Variants in IMPG2 observed in about 807,000 individuals in gnomAD.
The protein encoded by IMPG2 is interphotoreceptor matrix proteoglycan 2.
Under a neutral mutation model 129.2 loss-of-function variants are expected in IMPG2, and 91 were observed. The observed-to-expected ratio is 0.70, with a 90% CI of 0.59 to 0.84. IMPG2 has a LOEUF of 0.84. Among genes scored for constraint, IMPG2 ranks in the 40% least tolerant of loss-of-function variants. The pLI is 0.00. For synonymous variants in IMPG2, 510 were observed against 517.7 expected, an observed-to-expected ratio of 0.99 and a Z score of 0.20; for missense variants, 1,430 against 1,461.7, an observed-to-expected ratio of 0.98 and a Z score of 0.35.
chr3:101,229,327 C>G lies in IMPG2; in HGVS notation c.3633+53G>C, dbSNP rs983347074. 2.9e-6 allele frequency: 4 copies of G among 1,373,240 alleles called. No individual in the cohort carries two copies. The African/African-American group carries it at 5.8e-5, about 20-fold the overall frequency. 85.1% of individuals were successfully genotyped at this position (1,373,240 alleles called of 1,614,324 possible). A position where few individuals can be genotyped will look rare whatever the true frequency, so the allele number is the denominator to read the frequency against. The stretch of plus-strand genomic sequence containing the variant: ...CCCCACCCACCACCCCCTGCTCCCC[C>G]ACACACACACCAGCAGTAGCTGCGA... On this transcript the variant is annotated intron_variant, in intron 17 of 18. Transcript: ENST00000193391.
chr3:101,258,135 A>G (rs1706632061), intron 9 of IMPG2, among the ~76,000 whole-genome samples: 1 of 152,040 alleles, frequency 6.6e-6, no homozygotes, highest in Non-Finnish European at 1.5e-5. Flanking sequence ...TTTTCCCCCT[A>G]ATTTTTAAAA....
intron 3 of IMPG2, among the ~76,000 whole-genome samples, chr3:101,302,230 C>T (rs1409270551): frequency 1.3e-5 from 2 of 152,156 alleles, no homozygotes; most frequent in Non-Finnish European, 2.9e-5. Flanking sequence ...TATAAATTTA[C>T]TAAAAGTTCC....
At chr3:101,248,207 A>G (rs975204604) in intron 11 of IMPG2, among the ~76,000 whole-genome samples, 1 of 152,158 alleles carries the variant, frequency 6.6e-6, no homozygotes, top group Non-Finnish European at 1.5e-5. Flanking sequence ...AGGGGATTGA[A>G]TCATGGGGGC....
At chr3:101,245,732 C>T (rs1399807729) in intron 12 of IMPG2, 70 bp downstream of exon 12, 1 of 1,396,936 alleles carries the variant, frequency 7.2e-7, no homozygotes, top group Non-Finnish European at 1.0e-6. Flanking sequence ...TAGCCATAGT[C>T]TCTTCCTCTC....
At chr3:101,281,181 T>C (rs1188392690) in intron 4 of IMPG2, among the ~76,000 whole-genome samples, 1 of 152,168 alleles carries the variant, frequency 6.6e-6, no homozygotes, top group Non-Finnish European at 1.5e-5. Flanking sequence ...TTGCACTCGT[T>C]ATTGGGGATG....
At chr3:101,270,712 A>G (rs1002638033) in intron 7 of IMPG2, among the ~76,000 whole-genome samples, 1 of 152,068 alleles carries the variant, frequency 6.6e-6, no homozygotes, top group African/African-American at 2.4e-5. Flanking sequence ...AGGCAGGAGA[A>G]TGGCGTGAAC....
rs1244456234 is a variant in IMPG2, at chr3:101,320,326, A to G, written c.47T>C (p.Ile16Thr). 1 of 1,607,816 alleles carries G rather than the reference A, an allele frequency of 6.2e-7. No individual in the cohort carries two copies. Reference protein sequence around the residue: ...LFGKISLGILIFVLIEGDFPS... With the variant: ...LFGKISLGILTFVLIEGDFPS... ...AAAGTCTCCTTCTATCAGGACAAAT[A>G]TCAAAATACCCAGAGAAATCTTCCC... The change falls in exon 1 of 19, where the codon ATA (isoleucine) becomes ACA (threonine). Residue 16 changes from isoleucine (I) to threonine (T), a missense_variant. Transcript: ENST00000193391.
At chr3:101,233,446 G>C (rs113633629) in intron 14 of IMPG2, among the ~76,000 whole-genome samples, 2,837 of 152,252 alleles carry the variant, frequency 0.019, 84 homozygotes, top group African/African-American at 0.065. Flanking sequence ...TGAATGGGGA[G>C]AGAGAGCTCA....
At chr3:101,256,802 A>C (rs1706615749) in intron 10 of IMPG2, among the ~76,000 whole-genome samples, 1 of 152,124 alleles carries the variant, frequency 6.6e-6, no homozygotes, top group Non-Finnish European at 1.5e-5. Flanking sequence ...GTTACCGATG[A>C]GTAAAGAAAT....
At chr3:101,266,863 C>T (rs191021648) in intron 9 of IMPG2, among the ~76,000 whole-genome samples, 45 of 152,286 alleles carry the variant, frequency 3.0e-4, no homozygotes, top group Non-Finnish European at 5.0e-4. Context: ...GTTAAGCTGG[C>T]CACTTCCCCC....
At chr3:101,269,744 C>T (rs1171198746) in intron 7 of IMPG2, among the ~76,000 whole-genome samples, 171 bp from the exon 8 acceptor site, 1 of 151,928 alleles carries the variant, frequency 6.6e-6, no homozygotes, top group East Asian at 1.9e-4. Context: ...TTTACCTAAA[C>T]ACTGCCACAT....
At chr3:101,235,118 C>T (rs969194761) in intron 14 of IMPG2, among the ~76,000 whole-genome samples, 9 of 152,258 alleles carry the variant, frequency 5.9e-5, no homozygotes, top group African/African-American at 1.7e-4. Context: ...TATATTGAAC[C>T]ACCAGAAAGC....
chr3:101,256,744 A>G (rs1047298530), intron 10 of IMPG2, among the ~76,000 whole-genome samples: 12 of 152,246 alleles, frequency 7.9e-5, no homozygotes, highest in South Asian at 2.1e-4. Context: ...TACTTCTCCC[A>G]TGCTGTCACT....
intron 6 of IMPG2, 130 bp from the exon 7 acceptor site, chr3:101,273,872 T>C (rs1213467672): frequency 2.1e-6 from 2 of 946,660 alleles, no homozygotes; most frequent in African/African-American, 1.6e-5. Flanking sequence ...TATTTCGTAT[T>C]TGACTTTGGA....
Position 101,232,868 on chromosome 3 carries a change from G to A in IMPG2, c.3146C>T (p.Pro1049Leu), listed in dbSNP as rs757438950. The change falls in exon 15 of 19, where the codon CCC becomes CTC. Residue 1049 changes from proline (P) to leucine (L), a missense_variant. Physicochemically the swap from Pro to Leu is moderately conservative, Grantham distance 98. Coordinates refer to ENST00000193391, the MANE Select transcript of IMPG2 (RefSeq NM_016247.4). ...CTGTAGGTCACAGAGACTCTGACAGGGCCGTTCTTCCACACTCAGGTATCC... is the reference window on the plus strand; with the variant it reads ...CTGTAGGTCACAGAGACTCTGACAGAGCCGTTCTTCCACACTCAGGTATCC... The part of the protein sequence containing the change: ...FPGYLSVEER[P>L]CQSLCDLQPD... 1 of 1,613,540 alleles carries A rather than the reference G, an allele frequency of 6.2e-7. No homozygotes were observed. Among genetic ancestry groups the A allele is most frequent in the African/African-American group, 1.3e-5 (1 of 74,832 alleles).
At chr3:101,274,548 T>C (rs1294261591) in intron 6 of IMPG2, among the ~76,000 whole-genome samples, 2 of 152,212 alleles carry the variant, frequency 1.3e-5, no homozygotes, top group East Asian at 3.8e-4. Context: ...TAAAACTACC[T>C]TGGGCTTCAT....
intron 10 of IMPG2, among the ~76,000 whole-genome samples, chr3:101,256,650 T>C (rs923895169): frequency 7.9e-5 from 12 of 152,096 alleles, no homozygotes; most frequent in African/African-American, 2.7e-4. Flanking sequence ...CTCTTTCCTC[T>C]TTAAAATGTG....
At chr3:101,264,232 G>A (rs964165863) in intron 9 of IMPG2, among the ~76,000 whole-genome samples, 9 of 151,910 alleles carry the variant, frequency 5.9e-5, no homozygotes, top group African/African-American at 2.2e-4. Flanking sequence ...TCCAAAACAA[G>A]ACACGTACCT....
chr3:101,253,572 ATG>A (rs1706567042), intron 11 of IMPG2, 122 bp downstream of exon 11: 1 of 737,692 alleles, frequency 1.4e-6, no homozygotes, highest in South Asian at 1.5e-5. Context: ...TGGTCTAGGG[ATG>A]ATGCAAGAGA....
Sources: gnomAD v4.1 joint callset for allele counts (sites outside exome capture counted in the v4.1 genomes callset) on GRCh38, gnomAD v4.1.1 for gene constraint, MANE v1.5 for transcripts, NCBI Gene and HGNC (gene_info 2026-07-23, HGNC 2026-07-21) for gene names.